The following PPM1F variants were observed in gnomAD, a reference collection of about 807,000 sequenced individuals.
PPM1F encodes protein phosphatase 1F.
In PPM1F, 17 loss-of-function variants were observed where a neutral mutation model predicts 35.5. That is an observed-to-expected ratio of 0.48 (90% CI 0.33 to 0.72). The LOEUF (loss-of-function observed/expected upper bound fraction) is 0.72. Among genes scored for constraint, PPM1F ranks in the 30% least tolerant of loss-of-function variants. The pLI, the probability that PPM1F is intolerant of heterozygous loss-of-function variation, is 0.02. For synonymous variants in PPM1F, 241 were observed against 255.5 expected (o/e 0.94, Z 0.54); for missense variants, 521 against 613.0 (o/e 0.85, Z 1.59).
chr22:21,928,015 A>G (rs1601779326), intron 6 of PPM1F, among the ~76,000 whole-genome samples: 1 of 124,460 alleles, frequency 8.0e-6, no homozygotes, highest in East Asian at 2.6e-4. Flanking sequence ...GTGCAGTGTC[A>G]TGAACATAGC....
intron 1 of PPM1F, 90 bp from the exon 2 acceptor site, chr22:21,946,198 T>G: frequency 1.7e-6 from 1 of 597,864 alleles, no homozygotes; most frequent in Non-Finnish European, 2.8e-6. Flanking sequence ...GGCAGGTGCA[T>G]GGCCTCATGG....
intron 3 of PPM1F, chr22:21,938,508 C>A (rs753360877): frequency 7.1e-5 from 78 of 1,094,554 alleles, no homozygotes; most frequent in Middle Eastern, 4.4e-4. Context: ...TATTCGCTTT[C>A]TCTCTCTTCT....
Position 21,939,550 on chromosome 22 carries a change from C to T in PPM1F, c.337G>A (p.Glu113Lys), listed in dbSNP as rs2070701111. Residue 113 changes from glutamate (E) to lysine (K), a missense_variant, in exon 3 of 8, where the codon GAA becomes AAA. This residue lies in a region of PPM1F where 311 missense variants were observed against 351.5 expected (regional missense o/e 0.88). Coordinates refer to ENST00000263212, the MANE Select transcript of PPM1F (RefSeq NM_014634.4). This position sits in a 1 kb window ranked among gnomAD's most constrained non-coding sequence, Gnocchi z 5.1. ...EEEEEDDDEE[E>K]KAPVTLLDAQ... ...AACTCACAGGTCACAGGGGCCTTTT[C>T]CTCCTCGTCATCGTCCTCCTCCTCT... is the stretch of plus-strand genomic sequence containing the variant. 1.3e-6 allele frequency: 2 copies of T among 1,576,082 alleles called. No homozygotes were observed. The highest frequency in any genetic ancestry group is 3.6e-5 in the Admixed American group (2 of 55,740).
intron 5 of PPM1F, among the ~76,000 whole-genome samples, chr22:21,932,268 C>T (rs370105176): frequency 5.9e-5 from 9 of 152,316 alleles, no homozygotes; most frequent in Middle Eastern, 3.4e-3. Context: ...AAAGCAGTTA[C>T]GCCTGCTTCA....
intron 6 of PPM1F, among the ~76,000 whole-genome samples, chr22:21,927,931 TTTTTTGTTTTG>T (rs2070536079): frequency 2.1e-5 from 3 of 143,060 alleles, no homozygotes; most frequent in Admixed American, 7.3e-5. Flanking sequence ...CTTGATTCTG[TTTTTTGTTTTG>T]TTTTTTTTTT....
At chr22:21,931,358 G>C in intron 5 of PPM1F, 67 bp from the exon 6 acceptor site, 1 of 1,482,156 alleles carries the variant, frequency 6.7e-7, no homozygotes, top group South Asian at 1.2e-5. Flanking sequence ...ACACGGGGCA[G>C]GATGAAGCTT....
intron 2 of PPM1F, 39 bp downstream of exon 2, chr22:21,945,804 C>T (rs1446352081): frequency 1.9e-6 from 3 of 1,591,714 alleles, no homozygotes; most frequent in Non-Finnish European, 2.6e-6. Flanking sequence ...TGGTGCCGTG[C>T]CCTTACTCCC....
intron 4 of PPM1F, 25 bp downstream of exon 4, chr22:21,933,999 C>G (rs1336940561): frequency 1.3e-6 from 2 of 1,526,048 alleles, no homozygotes; most frequent in African/African-American, 1.4e-5. Context: ...GAAGCTGTCC[C>G]CAGGGTCTGG....
At chr22:21,927,937 G>GTTTTTTTTTTTTTTTTTTTTTTTTTTTT (rs1392008034) in intron 6 of PPM1F, among the ~76,000 whole-genome samples, 2 of 68,106 alleles carry the variant, frequency 2.9e-5, no homozygotes, top group East Asian at 6.1e-4. Context: ...TCTGTTTTTT[G>GTTTTTTTTTTTTTTTTTTTTTTTTTTTT]TTTTGTTTTT....
Position 21,922,957 on chromosome 22 carries a change from TGGCTCTGGGGTGCTGGGGAAA to T in PPM1F, c.*114_*134del. On this transcript the variant is annotated 3_prime_UTR_variant, in exon 8 of 8. Coordinates refer to ENST00000263212, the MANE Select transcript of PPM1F (RefSeq NM_014634.4). ...GACGGGCTGCGGGGGGTGTCCCGAC[TGGCTCTGGGGTGCTGGGGAAA>T]GCACTGTGGGGCGGGCACCCTGTCC... 1 of 1,211,134 alleles carries T rather than the reference TGGCTCTGGGGTGCTGGGGAAA, an allele frequency of 8.3e-7. No homozygotes were observed. Among genetic ancestry groups the T allele is most frequent in the Non-Finnish European group, 1.2e-6 (1 of 865,380 alleles). The allele number at this position is 1,211,134 out of a possible 1,614,324, so 75.0% of individuals were successfully genotyped here.
At chr22:21,938,523 C>T (rs1180468472) in intron 3 of PPM1F, 2 of 1,075,204 alleles carry the variant, frequency 1.9e-6, no homozygotes, top group East Asian at 1.0e-4. Context: ...TCTTCTCCCA[C>T]CTTGTTCCTT....
intron 1 of PPM1F, chr22:21,947,024 G>A (rs551929831): frequency 6.6e-6 from 1 of 152,320 alleles, no homozygotes; most frequent in East Asian, 1.9e-4. Flanking sequence ...CGCCTGAGGT[G>A]TCAGAAGGAA....
chr22:21,924,137 C>T (rs1442148380), intron 7 of PPM1F, among the ~76,000 whole-genome samples: 1 of 152,090 alleles, frequency 6.6e-6, no homozygotes, highest in African/African-American at 2.4e-5. Context: ...GGGGTAGGTG[C>T]CAAATCCCTG....
rs563648392 is a variant in PPM1F, at chr22:21,932,525, T to G, written c.747+866A>C. Among the ~76,000 whole-genome samples the G allele has an allele frequency of 2.0e-5, 3 of 152,292 alleles. No homozygotes were observed. The South Asian group carries it at 6.2e-4, about 32-fold the overall frequency. On this transcript the variant is annotated intron_variant, in intron 5 of 7. Coordinates refer to ENST00000263212, the MANE Select transcript of PPM1F (RefSeq NM_014634.4). ...GTGTCTTCTCACTGGGGCGGGTCTT[T>G]TAAGCAACCTGAGCCTCAGTTTCCC... is the stretch of plus-strand genomic sequence containing the variant.
In PPM1F at chr22:21,933,520, C is replaced by T. The variant is rs748328144; in HGVS notation, c.618G>A (p.Ala206=). ...VFDGHGGVDA[A]RYAAVHVHTN... is the part of the protein sequence containing the mutation. ...TGTGCACGTGGACAGCGGCGTACCT[C>T]GCAGCATCCACGCCTCCGTGACCAT... Residue 206 remains alanine (A), a synonymous_variant, in exon 5 of 8, where the codon GCG becomes GCA. Transcript: ENST00000263212. 1.8e-5 allele frequency: 29 copies of T among 1,613,652 alleles called. No individual in the cohort carries two copies. The highest frequency in any genetic ancestry group is 5.0e-5 in the Admixed American group (3 of 59,998).
At chr22:21,926,103 C>T (rs1449161788) in intron 6 of PPM1F, 1 of 166,696 alleles carries the variant, frequency 6.0e-6, no homozygotes, top group Non-Finnish European at 1.3e-5. Flanking sequence ...CTGAGCGAGG[C>T]CCTGACGGCA....
At chr22:21,948,298 G>GCC (rs1238368224) in intron 1 of PPM1F, 43 of 106,918 alleles carry the variant, frequency 4.0e-4, no homozygotes, top group Non-Finnish European at 5.2e-4. Context: ...CAGTGAGATC[G>GCC]CCACCCCCCC....
intron 2 of PPM1F, chr22:21,943,351 G>A (rs541323307): frequency 2.0e-5 from 3 of 152,364 alleles, no homozygotes; most frequent in Admixed American, 6.5e-5. Context: ...CCACACCTGC[G>A]TGTGAAAGAA....
At chr22:21,923,522 T>A (rs1485032908) in intron 7 of PPM1F, 51 bp from the exon 8 acceptor site, 6 of 1,542,506 alleles carry the variant, frequency 3.9e-6, no homozygotes, top group Middle Eastern at 2.1e-4. Flanking sequence ...GTCCACAGCT[T>A]CCTCCCCACC....
Sources: gnomAD v4.1 joint callset for allele counts (sites outside exome capture counted in the v4.1 genomes callset) on GRCh38, gnomAD v4.1.1 for gene constraint, gnomAD v4.1.1 regional missense constraint, Gnocchi (gnomAD v3.1) non-coding constraint, MANE v1.5 for transcripts, NCBI Gene and HGNC (gene_info 2026-07-23, HGNC 2026-07-21) for gene names.